The following DOCK3 variants were observed in gnomAD, a reference collection of about 807,000 sequenced individuals.
DOCK3 encodes dedicator of cytokinesis 3.
A neutral mutation model predicts 265.6 loss-of-function variants in DOCK3; 60 were observed. The ratio of observed to expected loss-of-function variants is 0.23; its 90% confidence interval spans 0.18 to 0.28. The LOEUF (loss-of-function observed/expected upper bound fraction) is 0.28, where lower values mean the gene tolerates loss of function less well. Ranked by LOEUF, DOCK3 falls within the 10% of genes least tolerant of loss-of-function variation. The pLI is 1.00. For synonymous variants in DOCK3, 881 were observed against 938.0 expected, an observed-to-expected ratio of 0.94 and a Z score of 1.11; for missense variants, 1,981 against 2,594.3, an observed-to-expected ratio of 0.76 and a Z score of 5.14.
chr3:50,794,625 T>A (rs2042667253), intron 2 of DOCK3, among the ~76,000 whole-genome samples: 2 of 152,202 alleles, frequency 1.3e-5, no homozygotes, highest in Non-Finnish European at 1.5e-5. Flanking sequence ...TGTGGGTGTT[T>A]GCATGTGACA....
At chr3:51,260,824 A>C (rs2079810717) in intron 23 of DOCK3, among the ~76,000 whole-genome samples, 1 of 151,978 alleles carries the variant, frequency 6.6e-6, no homozygotes, top group Non-Finnish European at 1.5e-5. Context: ...TCTACTAAAA[A>C]TACAAAAAAA....
At chr3:50,880,299 A>C (rs988273952) in intron 3 of DOCK3, among the ~76,000 whole-genome samples, 2 of 151,922 alleles carry the variant, frequency 1.3e-5, no homozygotes, top group African/African-American at 2.4e-5. Context: ...AAGGAGATAG[A>C]GACACAAAAA....
intron 3 of DOCK3, among the ~76,000 whole-genome samples, chr3:50,847,556 C>T (rs1559717857): frequency 6.6e-6 from 1 of 152,076 alleles, no homozygotes; most frequent in Non-Finnish European, 1.5e-5. Context: ...AGTTTTCTGT[C>T]TCAGTGATCT....
At chr3:51,115,725 A>G (rs1335938664) in intron 9 of DOCK3, among the ~76,000 whole-genome samples, 2 of 152,210 alleles carry the variant, frequency 1.3e-5, no homozygotes, top group East Asian at 1.9e-4. Flanking sequence ...GCCCATGCCT[A>G]TGTCTTGAAT....
intron 44 of DOCK3, 137 bp from the exon 45 acceptor site, chr3:51,357,621 G>A: frequency 1.3e-6 from 1 of 770,624 alleles, no homozygotes; most frequent in Admixed American, 2.5e-5. Flanking sequence ...AGTTCAAACA[G>A]GCCAGACTGG....
At chr3:50,941,492 G>T (rs2076293802) in intron 5 of DOCK3, among the ~76,000 whole-genome samples, 4 of 152,082 alleles carry the variant, frequency 2.6e-5, no homozygotes, top group African/African-American at 9.7e-5. Flanking sequence ...CCCACTTGGA[G>T]AAAAATTTGG....
At chr3:51,057,668 T>C (rs2081256111) in intron 5 of DOCK3, among the ~76,000 whole-genome samples, 1 of 152,218 alleles carries the variant, frequency 6.6e-6, no homozygotes, top group African/African-American at 2.4e-5. Flanking sequence ...TGGTATATAC[T>C]GTCTTATGCT....
chr3:50,797,657 T>C (rs1309949246), intron 2 of DOCK3, among the ~76,000 whole-genome samples: 1 of 152,244 alleles, frequency 6.6e-6, no homozygotes, highest in Admixed American at 6.5e-5. Flanking sequence ...ATAAGGGTTC[T>C]GTTTTCTCTG....
At chr3:51,202,193 C>T (rs2088830882) in intron 12 of DOCK3, among the ~76,000 whole-genome samples, 1 of 121,032 alleles carries the variant, frequency 8.3e-6, no homozygotes, top group Non-Finnish European at 1.7e-5. Context: ...GAAATAGAGA[C>T]ACAAAAAACC....
intron 27 of DOCK3, among the ~76,000 whole-genome samples, chr3:51,299,627 C>A (rs925513992): frequency 3.3e-5 from 5 of 152,184 alleles, no homozygotes; most frequent in African/African-American, 1.2e-4. Flanking sequence ...CTTCAATTTT[C>A]TGCATATGGC....
chr3:50,852,759 C>A (rs1234288559), intron 3 of DOCK3, among the ~76,000 whole-genome samples: 1 of 152,040 alleles, frequency 6.6e-6, no homozygotes, highest in Non-Finnish European at 1.5e-5. Flanking sequence ...CATGTATCTG[C>A]TGTTATCCTA....
intron 5 of DOCK3, among the ~76,000 whole-genome samples, chr3:50,979,620 C>A (rs991247444): frequency 6.6e-6 from 1 of 152,158 alleles, no homozygotes; most frequent in Non-Finnish European, 1.5e-5. Flanking sequence ...GATGCTGGTG[C>A]CATGCTTCTT....
At chr3:51,220,709 G>GTATATATATATATATA (rs3073874) in intron 14 of DOCK3, among the ~76,000 whole-genome samples, 6 of 132,378 alleles carry the variant, frequency 4.5e-5, no homozygotes, top group Admixed American at 3.4e-4. Context: ...GTGTGTGTGT[G>GTATATATATATATATA]TATATATATA....
intron 1 of DOCK3, among the ~76,000 whole-genome samples, chr3:50,758,614 T>C (rs1164040256): frequency 2.0e-5 from 3 of 152,182 alleles, no homozygotes; most frequent in Non-Finnish European, 2.9e-5. Flanking sequence ...CCACCATCTA[T>C]ATCTAGAACT....
chr3:51,239,350 C>T (rs1284916298), intron 21 of DOCK3, among the ~76,000 whole-genome samples: 5 of 151,916 alleles, frequency 3.3e-5, no homozygotes, highest in Non-Finnish European at 5.9e-5. Context: ...GCTGGGACTA[C>T]AGGCATATGC....
At chr3:51,163,643 C>T (rs1295223970) in intron 12 of DOCK3, among the ~76,000 whole-genome samples, 1 of 151,948 alleles carries the variant, frequency 6.6e-6, no homozygotes, top group Non-Finnish European at 1.5e-5. Flanking sequence ...GGGTGGGTGT[C>T]CATAAATAAT....
At chr3:50,720,318 T>C (rs554882758) in intron 1 of DOCK3, among the ~76,000 whole-genome samples, 1 of 152,212 alleles carries the variant, frequency 6.6e-6, no homozygotes, top group South Asian at 2.1e-4. Context: ...GGCCCTAGAG[T>C]CTATTGTTCC....
At chr3:51,336,003 A>C (rs1465378562) in intron 35 of DOCK3, among the ~76,000 whole-genome samples, 1 of 151,078 alleles carries the variant, frequency 6.6e-6, no homozygotes, top group African/African-American at 2.5e-5. Context: ...AAAAAAAAAA[A>C]AAAGAAAAGA....
chr3:51,206,557 T>C (rs1235792926), intron 12 of DOCK3, among the ~76,000 whole-genome samples: 3 of 150,612 alleles, frequency 2.0e-5, no homozygotes, highest in Non-Finnish European at 3.0e-5. Flanking sequence ...TTGAACTGAA[T>C]CCTTTAAAAA....
Sources: allele counts gnomAD v4.1 joint callset (sites outside exome capture counted in the v4.1 genomes callset), GRCh38; gene constraint gnomAD v4.1.1; transcripts MANE v1.5; gene names NCBI Gene and HGNC (gene_info 2026-07-23, HGNC 2026-07-21).